Variants in CUBN observed in about 807,000 individuals in gnomAD.
The protein encoded by CUBN is cubilin, also known as 460 kDa receptor.
Under a neutral mutation model 405.3 loss-of-function variants are expected in CUBN, and 282 were observed. That is an observed-to-expected ratio of 0.70 (90% confidence interval 0.63 to 0.77). CUBN has a LOEUF of 0.77. Among genes scored for constraint, CUBN ranks in the 30% least tolerant of loss-of-function variants. CUBN has a pLI of 0.00. For synonymous variants in CUBN, 1,684 were observed against 1,617.0 expected (o/e 1.04, Z -0.99); for missense variants, 4,514 against 4,475.2 (o/e 1.01, Z -0.25).
chr10:16,954,927 G>A (rs551753789), intron 31 of CUBN, among the ~76,000 whole-genome samples: 1 of 152,316 alleles, frequency 6.6e-6, no homozygotes, highest in East Asian at 1.9e-4. Context: ...ATAATGATGA[G>A]TGATGAGCAT....
Position 16,874,447 on chromosome 10 carries a change from A to G in CUBN, c.9163T>C (p.Tyr3055His), listed in dbSNP as rs1840444887. Residue 3055 changes from tyrosine to histidine, a missense_variant, in exon 58 of 67, where the codon TAC becomes CAC. Tyr to His is a moderately conservative substitution (Grantham distance 83). This residue lies in a region of CUBN where 1,186 missense variants were observed against 1,186.9 expected (regional missense o/e 1.00). Coordinates refer to ENST00000377833, the MANE Select transcript of CUBN (RefSeq NM_001081.4). ...TGCATATCATTTGGGTAGTCTGCGT[A>G]TGAATAGGCAGGACTTGTGATGATT... is the stretch of plus-strand genomic sequence containing the variant. ...SGIITSPAYSYADYPNDMHCL... is the reference protein window; with the variant it reads ...SGIITSPAYSHADYPNDMHCL... The G allele has an allele frequency of 3.7e-6, 6 of 1,614,184 alleles. No homozygotes were observed. Among genetic ancestry groups the G allele is most frequent in the South Asian group, 1.1e-5 (1 of 91,090 alleles).
At chr10:17,117,268 A>C (rs1198900542) in intron 6 of CUBN, among the ~76,000 whole-genome samples, 1 of 152,226 alleles carries the variant, frequency 6.6e-6, no homozygotes, top group Non-Finnish European at 1.5e-5. Flanking sequence ...ACTTTAAAAC[A>C]GTTCATACAC....
chr10:17,104,295 A>T, intron 12 of CUBN, 124 bp downstream of exon 12: 1 of 770,640 alleles, frequency 1.3e-6, no homozygotes, highest in East Asian at 2.6e-5. Flanking sequence ...GGAAAGACTT[A>T]GTTCTCAGTA....
chr10:16,840,740 T>C, intron 61 of CUBN, 145 bp downstream of exon 61: 1 of 855,328 alleles, frequency 1.2e-6, no homozygotes, highest in Non-Finnish European at 1.9e-6. Flanking sequence ...ACATGGTGTT[T>C]AGCAATTGAC....
chr10:16,857,627 C>T (rs968631711), intron 59 of CUBN, among the ~76,000 whole-genome samples: 1 of 152,186 alleles, frequency 6.6e-6, no homozygotes, highest in Non-Finnish European at 1.5e-5. Context: ...ATCCAACACA[C>T]ATTCATGATA....
intron 2 of CUBN, 38 bp from the exon 3 acceptor site, chr10:17,127,962 G>T: frequency 2.3e-6 from 3 of 1,322,726 alleles, no homozygotes; most frequent in Middle Eastern, 1.9e-4. Context: ...AAGAGCACTA[G>T]TGAAAATATC....
chr10:17,123,613 A>C lies in CUBN; in HGVS notation c.464T>G (p.Phe155Cys). ...CTTCCACTGTGGGGGACAGATACAA[A>C]AAAAGGAATCATGCAGATTGAGGCA... ...GTCLNLHDSF[F>C]CICPPQWKGP... The change falls in exon 5 of 67, where the codon TTT (phenylalanine) becomes TGT (cysteine). Residue 155 changes from phenylalanine (F) to cysteine (C), a missense_variant. Phe to Cys is a radical substitution (Grantham distance 205, BLOSUM62 -2). Transcript: ENST00000377833. 6.2e-7 allele frequency: 1 copy of C among 1,614,000 alleles called. No homozygotes were observed. The highest frequency in any genetic ancestry group is 8.5e-7 in the Non-Finnish European group (1 of 1,179,944).
In CUBN at chr10:17,122,789, A is replaced by T; in HGVS notation, c.593+6T>A. 1 of 1,582,762 alleles carries T rather than the reference A, an allele frequency of 6.3e-7. No homozygotes were observed. Among genetic ancestry groups the T allele is most frequent in the Non-Finnish European group, 8.7e-7 (1 of 1,153,978 alleles). On this transcript the variant is annotated splice_donor_region_variant and intron_variant, in intron 6 of 66. Transcript: ENST00000377833. ...GATATTTACCAAAAAAAAAAAAAAA[A>T]GTTACCTGTAACTTCCCATTGTATT...
intron 22 of CUBN, among the ~76,000 whole-genome samples, chr10:17,059,800 C>A (rs943027287): frequency 2.0e-5 from 3 of 152,174 alleles, no homozygotes; most frequent in Admixed American, 1.3e-4. Flanking sequence ...ATGACCAGTG[C>A]AGATTCATAT....
At chr10:16,967,204 C>A (rs750426236) in intron 31 of CUBN, among the ~76,000 whole-genome samples, 11 of 152,108 alleles carry the variant, frequency 7.2e-5, no homozygotes, top group Non-Finnish European at 1.6e-4. Flanking sequence ...ATTCACAACC[C>A]CACATCTCAT....
intron 14 of CUBN, among the ~76,000 whole-genome samples, 179 bp downstream of exon 14, chr10:17,099,826 T>C (rs933176753): frequency 2.0e-5 from 3 of 152,166 alleles, no homozygotes; most frequent in African/African-American, 7.2e-5. Context: ...CACTCCAGCC[T>C]GGGCAACAGA....
At chr10:16,872,103 G>A (rs939443083) in intron 58 of CUBN, among the ~76,000 whole-genome samples, 1 of 151,902 alleles carries the variant, frequency 6.6e-6, no homozygotes, top group African/African-American at 2.4e-5. Flanking sequence ...TACCCAGGCT[G>A]GTGGCACACA....
At chr10:16,992,254 G>GTT (rs1833612726) in intron 28 of CUBN, among the ~76,000 whole-genome samples, 2 of 152,242 alleles carry the variant, frequency 1.3e-5, no homozygotes, top group East Asian at 3.9e-4. Flanking sequence ...GGTGGGGGAA[G>GTT]GGGGGAGGGA....
chr10:17,117,611 T>C (rs987250277), intron 6 of CUBN, among the ~76,000 whole-genome samples: 14 of 152,114 alleles, frequency 9.2e-5, no homozygotes, highest in Non-Finnish European at 1.8e-4. Context: ...AGTTACTGAT[T>C]TAGCAGAAGT....
intron 58 of CUBN, among the ~76,000 whole-genome samples, chr10:16,871,743 G>T (rs1840359753): frequency 6.6e-6 from 1 of 152,094 alleles, no homozygotes; most frequent in South Asian, 2.1e-4. Flanking sequence ...AATCTGCTTT[G>T]GCTTTTTATT....
chr10:17,094,285 T>G (rs1010657377), intron 14 of CUBN, among the ~76,000 whole-genome samples: 1 of 152,074 alleles, frequency 6.6e-6, no homozygotes, highest in Non-Finnish European at 1.5e-5. Context: ...AGAGAGCTAA[T>G]AGGAAATGGT....
At position 16,877,235 on chromosome 10, in the gene CUBN, A is replaced by G. The variant is rs1840536696; in HGVS notation, c.8906-138T>C. 3 of 791,412 alleles carry G rather than the reference A, an allele frequency of 3.8e-6. No individual in the cohort carries two copies. The Admixed American group carries it at 6.1e-5, about 16-fold the overall frequency. 49.0% of individuals were successfully genotyped at this position (791,412 alleles called of 1,614,324 possible). A position where few individuals can be genotyped will look rare whatever the true frequency, so the allele number is the denominator to read the frequency against. ...AAATGAGAAACGAGATATTTAACTT[A>G]GTTTCCTGTTGAAACAATGTTTACT... On this transcript the variant is annotated intron_variant, in intron 56 of 66. Coordinates refer to ENST00000377833, the MANE Select transcript of CUBN (RefSeq NM_001081.4).
chr10:17,098,539 A>G (rs1169394265), intron 14 of CUBN, among the ~76,000 whole-genome samples: 1 of 152,190 alleles, frequency 6.6e-6, no homozygotes, highest in Non-Finnish European at 1.5e-5. Context: ...CCTTTTCACC[A>G]CTTTTATTCG....
intron 58 of CUBN, among the ~76,000 whole-genome samples, chr10:16,873,450 G>A (rs533100388): frequency 2.6e-4 from 39 of 152,152 alleles, no homozygotes; most frequent in Non-Finnish European, 3.8e-4. Context: ...GGCTGGGTGC[G>A]GTGGCTCATG....
Sources: allele counts gnomAD v4.1 joint callset (sites outside exome capture counted in the v4.1 genomes callset), GRCh38; gene constraint gnomAD v4.1.1; regional missense constraint gnomAD v4.1.1; transcripts MANE v1.5; gene names NCBI Gene and HGNC (gene_info 2026-07-23, HGNC 2026-07-21).